Variants in PPHLN1 observed in about 807,000 individuals in gnomAD.
PPHLN1 encodes periphilin 1, also known as periphilin-1.
PPHLN1 carries 29 observed loss-of-function variants against 51.3 expected under a neutral mutation model. The ratio of observed to expected loss-of-function variants is 0.57; its 90% CI spans 0.42 to 0.77. PPHLN1 has a LOEUF of 0.77. Among genes scored for constraint, PPHLN1 ranks in the 30% least tolerant of loss-of-function variants. PPHLN1 has a pLI of 0.00. For missense variants in PPHLN1, 436 were observed against 438.4 expected, an observed-to-expected ratio of 0.99 and a Z score of 0.05; for synonymous variants, 147 against 147.8, an observed-to-expected ratio of 0.99 and a Z score of 0.04.
At chr12:42,329,549 A>G (rs2069374317) in intron 1 of PPHLN1, among the ~76,000 whole-genome samples, 1 of 152,208 alleles carries the variant, frequency 6.6e-6, no homozygotes, top group Non-Finnish European at 1.5e-5. Flanking sequence ...TAGCATTAAT[A>G]ATCTAAGATA....
At chr12:42,415,839 C>T (rs553084885) in intron 9 of PPHLN1, among the ~76,000 whole-genome samples, 41 of 152,316 alleles carry the variant, frequency 2.7e-4, no homozygotes, top group African/African-American at 3.6e-4. Flanking sequence ...GTTTAAAAAG[C>T]TCAAGTGACT....
chr12:42,335,632 A>T (rs1056599018), intron 1 of PPHLN1, among the ~76,000 whole-genome samples: 7 of 151,106 alleles, frequency 4.6e-5, no homozygotes, highest in African/African-American at 1.7e-4. Context: ...TGATGGCAAC[A>T]ATCTCTTTGA....
At chr12:42,339,995 T>C (rs2071230699) in intron 2 of PPHLN1, among the ~76,000 whole-genome samples, 1 of 152,236 alleles carries the variant, frequency 6.6e-6, no homozygotes, top group Non-Finnish European at 1.5e-5. Context: ...TTTCTTACTT[T>C]AATAAAAATA....
chr12:42,435,809 A>T (rs749376974), intron 9 of PPHLN1, among the ~76,000 whole-genome samples: 2 of 152,204 alleles, frequency 1.3e-5, no homozygotes, highest in Non-Finnish European at 2.9e-5. Flanking sequence ...TTAATTTACT[A>T]GATCACCACT....
chr12:42,358,253 A>G (rs2074259354), intron 4 of PPHLN1, among the ~76,000 whole-genome samples: 1 of 152,164 alleles, frequency 6.6e-6, no homozygotes, highest in Admixed American at 6.5e-5. Context: ...TTGTGTATGT[A>G]TATAACATTT....
downstream of PPHLN1, chr12:42,446,251 C>A: frequency 6.2e-7 from 1 of 1,610,430 alleles, no homozygotes; most frequent in South Asian, 1.1e-5. Context: ...AAAATTTGTT[C>A]CTTGCTATGC....
rs1239460646 is a variant in PPHLN1 at position 42,441,521 on chromosome 12, C to T, written c.*12C>T. ...GAGAGCCTTTTTAGATTTTTCTGCTCAGGCTAAAAAAAAAAAAAAACAGTT... is the reference window on the plus strand; with the variant it reads ...GAGAGCCTTTTTAGATTTTTCTGCTTAGGCTAAAAAAAAAAAAAAACAGTT... On this transcript the variant is annotated 3_prime_UTR_variant, in exon 10 of 10. Coordinates refer to ENST00000358314, the MANE Select transcript of PPHLN1 (RefSeq NM_201439.2). 1.3e-6 allele frequency: 2 copies of T among 1,527,480 alleles called. No individual in the cohort carries two copies. Among genetic ancestry groups the T allele is most frequent in the South Asian group, 2.5e-5 (2 of 78,782 alleles). The allele number at this position is 1,527,480 out of a possible 1,614,324, so 94.6% of individuals were successfully genotyped here. A position where few individuals can be genotyped will look rare whatever the true frequency, so the allele number is the denominator to read the frequency against.
At chr12:42,446,361 T>C (rs970481265), downstream of PPHLN1, 2 of 1,505,914 alleles carry the variant, frequency 1.3e-6, no homozygotes, top group African/African-American at 2.8e-5. Flanking sequence ...GCCCATTTTC[T>C]AAATCTGCCT....
downstream of PPHLN1, chr12:42,446,872 A>G (rs1022831821): frequency 4.7e-5 from 20 of 422,032 alleles, no homozygotes; most frequent in Non-Finnish European, 7.6e-5. Context: ...GTGTAAAGGA[A>G]TTTATCTAGA....
intron 9 of PPHLN1, among the ~76,000 whole-genome samples, chr12:42,414,875 C>T (rs2080231565): frequency 6.6e-6 from 1 of 152,130 alleles, no homozygotes; most frequent in Non-Finnish European, 1.5e-5. Flanking sequence ...TGCAAATTTA[C>T]CTAGAATTAG....
chr12:42,401,710 T>C (rs1439690796), intron 9 of PPHLN1, among the ~76,000 whole-genome samples: 1 of 152,074 alleles, frequency 6.6e-6, no homozygotes, highest in African/African-American at 2.4e-5. Context: ...GCCAAAAAGG[T>C]TGGTGTCTGC....
intron 4 of PPHLN1, chr12:42,359,678 T>A (rs1387384717): frequency 6.6e-6 from 1 of 152,210 alleles, no homozygotes; most frequent in Non-Finnish European, 1.5e-5. Context: ...TTTAATGCAT[T>A]GTGAACCGTG....
rs570543525 is a variant in PPHLN1, at chr12:42,356,906, A to T, written c.299+1684A>T. On this transcript the variant is annotated intron_variant, in intron 4 of 9. Coordinates refer to ENST00000358314, the MANE Select transcript of PPHLN1 (RefSeq NM_201439.2). ...ATGAAAAACGCAACTACTTAAAGATAATATAATTATGCAGAAAATCTAGGA... is the reference window on the plus strand; with the variant it reads ...ATGAAAAACGCAACTACTTAAAGATTATATAATTATGCAGAAAATCTAGGA... 1.5e-3 allele frequency among the ~76,000 whole-genome samples: 231 copies of T among 152,380 alleles called. 2 individuals carry two copies. The highest frequency in any genetic ancestry group is 5.3e-3 in the African/African-American group (220 of 41,590).
intron 8 of PPHLN1, among the ~76,000 whole-genome samples, chr12:42,395,542 A>G (rs899557220): frequency 3.9e-5 from 6 of 152,142 alleles, no homozygotes; most frequent in African/African-American, 7.2e-5. Context: ...TTCTCAGGCT[A>G]TTGTTAAATA....
intron 3 of PPHLN1, among the ~76,000 whole-genome samples, chr12:42,354,294 G>C (rs2073782425): frequency 1.3e-5 from 2 of 152,138 alleles, no homozygotes; most frequent in African/African-American, 4.8e-5. Context: ...ACTTGGCTCA[G>C]TACAACCTCC....
At chr12:42,374,767 T>G in intron 4 of PPHLN1, 96 bp from the exon 5 acceptor site, 1 of 1,080,410 alleles carries the variant, frequency 9.3e-7, no homozygotes, top group South Asian at 1.7e-5. Context: ...AGAGTACAAT[T>G]TAAAGGGTAG....
At chr12:42,386,663 A>G (rs1381983662) in intron 6 of PPHLN1, among the ~76,000 whole-genome samples, 4 of 152,218 alleles carry the variant, frequency 2.6e-5, no homozygotes, top group African/African-American at 2.4e-5. Context: ...AGAGGATTAT[A>G]TATTTGGCAC....
chr12:42,395,156 A>C (rs1364622548), intron 8 of PPHLN1, among the ~76,000 whole-genome samples: 1 of 152,034 alleles, frequency 6.6e-6, no homozygotes, highest in Non-Finnish European at 1.5e-5. Context: ...ATCTAGAAAG[A>C]CTTTTTAAAC....
intron 4 of PPHLN1, among the ~76,000 whole-genome samples, chr12:42,364,912 G>T (rs752324387): frequency 3.9e-5 from 6 of 152,100 alleles, no homozygotes; most frequent in Non-Finnish European, 8.8e-5. Context: ...GGGAGACTCC[G>T]CCTTAAAAAA....
Sources: allele counts gnomAD v4.1 joint callset (sites outside exome capture counted in the v4.1 genomes callset), GRCh38; gene constraint gnomAD v4.1.1; transcripts MANE v1.5; gene names NCBI Gene and HGNC (gene_info 2026-07-23, HGNC 2026-07-21).